The following TJP2 variants were observed in gnomAD, a reference collection of about 807,000 sequenced individuals.
TJP2 encodes the protein tight junction protein 2, also known as Friedreich ataxia region gene X104 (tight junction protein ZO-2).
In TJP2, 91 loss-of-function variants were observed where a neutral mutation model predicts 133.1. The ratio of observed to expected loss-of-function variants is 0.68; its 90% CI spans 0.58 to 0.81. The LOEUF is 0.81. Among genes scored for constraint, TJP2 ranks in the 40% least tolerant of loss-of-function variants. The pLI, the probability that TJP2 is intolerant of heterozygous loss-of-function variation, is 0.00. For missense variants in TJP2, 1,541 were observed against 1,565.6 expected (o/e 0.98, Z 0.26); for synonymous variants, 592 against 583.4 (o/e 1.01, Z -0.21).
intron 17 of TJP2, among the ~76,000 whole-genome samples, chr9:69,242,005 A>G (rs73452908): frequency 0.11 from 16,572 of 152,292 alleles, 963 homozygotes; most frequent in South Asian, 0.15. Context: ...TGAGTACACT[A>G]AATAGCGAGC....
chr9:69,232,943 G>C (rs1829900142), intron 11 of TJP2, among the ~76,000 whole-genome samples: 1 of 152,190 alleles, frequency 6.6e-6, no homozygotes, highest in African/African-American at 2.4e-5. Context: ...GAGATGGACT[G>C]AAGGACTCCC....
At position 69,240,136 on chromosome 9, in the gene TJP2, A is replaced by C; in HGVS notation, c.2555A>C (p.His852Pro). 1 of 1,613,758 alleles carries C rather than the reference A, an allele frequency of 6.2e-7. No homozygotes were observed. Among genetic ancestry groups the C allele is most frequent in the South Asian group, 1.1e-5 (1 of 91,008 alleles). ...QANKLKKTCA[H>P]LFTATINLNS... Reference sequence around the variant, plus strand: ...AACAAGCTTAAAAAAACGTGTGCACACCTTTTTACAGGTAAGTGAAATGTA... The same window carrying C: ...AACAAGCTTAAAAAAACGTGTGCACCCCTTTTTACAGGTAAGTGAAATGTA... The change falls in exon 17 of 23, where the codon CAC becomes CCC. Residue 852 changes from histidine to proline, a missense_variant. Physicochemically the swap from His to Pro is moderately conservative, Grantham distance 77. Transcript: ENST00000377245.
intron 1 of TJP2, among the ~76,000 whole-genome samples, chr9:69,146,956 A>T (rs1823239490): frequency 6.6e-6 from 1 of 152,166 alleles, no homozygotes; most frequent in South Asian, 2.1e-4. Context: ...TTTCTTTGGG[A>T]AATCTTAGAG....
intron 1 of TJP2, among the ~76,000 whole-genome samples, chr9:69,136,497 C>T (rs930228193): frequency 6.6e-6 from 1 of 152,040 alleles, no homozygotes; most frequent in Admixed American, 6.5e-5. Flanking sequence ...AATCATAATA[C>T]AGTTTGAGAA....
chr9:69,187,294 A>C (rs3002377), intron 1 of TJP2, among the ~76,000 whole-genome samples: 70,531 of 151,938 alleles, frequency 0.46, 16,617 homozygotes, highest in South Asian at 0.53. Context: ...ATTAAATATA[A>C]ATGTTGACCT....
chr9:69,194,442 G>A (rs1004669525), intron 1 of TJP2, among the ~76,000 whole-genome samples: 12 of 151,890 alleles, frequency 7.9e-5, no homozygotes, highest in African/African-American at 2.9e-4. Flanking sequence ...AGTTATACTA[G>A]CAAAAAAAAG....
intron 1 of TJP2, among the ~76,000 whole-genome samples, chr9:69,202,061 T>C (rs919257146): frequency 1.3e-5 from 2 of 152,200 alleles, no homozygotes; most frequent in African/African-American, 4.8e-5. Flanking sequence ...ACTACTGTCT[T>C]AGTCAATTCC....
At chr9:69,121,894 C>T (rs993189731) in intron 1 of TJP2, 1 of 152,728 alleles carries the variant, frequency 6.5e-6, no homozygotes, top group Non-Finnish European at 1.5e-5. Flanking sequence ...GCGCTGGTGC[C>T]CTGGGTCGTT....
intron 12 of TJP2, among the ~76,000 whole-genome samples, chr9:69,235,791 G>A (rs1830144784): frequency 6.6e-6 from 1 of 152,150 alleles, no homozygotes; most frequent in Non-Finnish European, 1.5e-5. Flanking sequence ...AATAAAGTCT[G>A]ACCAAATACC....
At chr9:69,140,537 A>G (rs1396503126) in intron 1 of TJP2, among the ~76,000 whole-genome samples, 1 of 152,108 alleles carries the variant, frequency 6.6e-6, no homozygotes, top group Non-Finnish European at 1.5e-5. Context: ...CTGTATCTCA[A>G]CACCTCATAC....
rs1250403780 is a variant in TJP2 at position 69,221,007 on chromosome 9, T to C, written c.463T>C (p.Tyr155His). The C allele has an allele frequency of 6.2e-7, 1 of 1,611,696 alleles. No homozygotes were observed. The highest frequency in any genetic ancestry group is 8.5e-7 in the Non-Finnish European group (1 of 1,179,464). ...EFDGRSFRSGYSERSRLNSHG... is the reference protein window; with the variant it reads ...EFDGRSFRSGHSERSRLNSHG... ...TGATGGCAGAAGTTTCCGGAGTGGC[T>C]ACAGCGAGAGGAGCCGGCTGAACAG... is the stretch of plus-strand genomic sequence containing the variant. The change falls in exon 5 of 23, where the codon TAC becomes CAC. Residue 155 changes from tyrosine to histidine, a missense_variant. Transcript: ENST00000377245.
chr9:69,130,524 C>A (rs190917574), intron 1 of TJP2, among the ~76,000 whole-genome samples: 26 of 152,198 alleles, frequency 1.7e-4, no homozygotes, highest in Admixed American at 1.3e-3. Context: ...GTGTCTCTAA[C>A]GAGTGCCCAC....
chr9:69,181,845 G>T (rs1238843244), intron 1 of TJP2, among the ~76,000 whole-genome samples: 3 of 152,174 alleles, frequency 2.0e-5, no homozygotes, highest in Non-Finnish European at 4.4e-5. Flanking sequence ...GTGATGGAAA[G>T]ATCTATTATT....
At chr9:69,186,280 G>A (rs1825855507) in intron 1 of TJP2, among the ~76,000 whole-genome samples, 1 of 152,120 alleles carries the variant, frequency 6.6e-6, no homozygotes, top group South Asian at 2.1e-4. Flanking sequence ...GAAATGGAGT[G>A]GTCAAGATGT....
At chr9:69,213,572 C>A (rs546998135) in intron 2 of TJP2, among the ~76,000 whole-genome samples, 4 of 152,298 alleles carry the variant, frequency 2.6e-5, no homozygotes, top group Admixed American at 1.3e-4. Flanking sequence ...AAAGACATTC[C>A]CGAATTTAAT....
At chr9:69,149,878 G>T (rs1167333949) in intron 1 of TJP2, among the ~76,000 whole-genome samples, 4 of 152,148 alleles carry the variant, frequency 2.6e-5, no homozygotes, top group Non-Finnish European at 4.4e-5. Flanking sequence ...GGCCAGTTGC[G>T]GTGGCTCATG....
At chr9:69,152,452 A>G (rs893683807) in intron 2 of TJP2, among the ~76,000 whole-genome samples, 1 of 152,018 alleles carries the variant, frequency 6.6e-6, no homozygotes, top group Non-Finnish European at 1.5e-5. Context: ...CTGTCTGTTG[A>G]AGTTGGCAGC....
intron 1 of TJP2, among the ~76,000 whole-genome samples, chr9:69,130,191 A>G (rs185715201): frequency 1.3e-5 from 2 of 152,200 alleles, no homozygotes; most frequent in Admixed American, 1.3e-4. Context: ...GTCACAAGCC[A>G]GTATTGAGTT....
chr9:69,204,223 C>T (rs1242111294), intron 1 of TJP2, among the ~76,000 whole-genome samples: 1 of 152,154 alleles, frequency 6.6e-6, no homozygotes, highest in Non-Finnish European at 1.5e-5. Flanking sequence ...TCCTTGTTTC[C>T]TAGATGGTGG....
Sources: allele counts gnomAD v4.1 joint callset (sites outside exome capture counted in the v4.1 genomes callset), GRCh38; gene constraint gnomAD v4.1.1; transcripts MANE v1.5; gene names NCBI Gene and HGNC (gene_info 2026-07-23, HGNC 2026-07-21).